Variants in NAP1L4 observed in about 807,000 individuals in gnomAD.
The protein encoded by NAP1L4 is nucleosome assembly protein 1-like 4.
NAP1L4 carries 15 observed loss-of-function variants against 58.2 expected under a neutral mutation model. That is an observed-to-expected ratio of 0.26 (90% CI 0.17 to 0.40). The LOEUF (loss-of-function observed/expected upper bound fraction) is 0.40. Ranked by LOEUF, NAP1L4 falls within the 10% of genes least tolerant of loss-of-function variation. The pLI is 1.00. For synonymous variants in NAP1L4, 171 were observed against 155.6 expected, an observed-to-expected ratio of 1.10 and a Z score of -0.74; for missense variants, 384 against 451.1, an observed-to-expected ratio of 0.85 and a Z score of 1.35.
At chr11:2,978,396 T>C (rs918767803) in intron 2 of NAP1L4, 54 bp from the exon 3 acceptor site, 13 of 1,502,212 alleles carry the variant, frequency 8.7e-6, no homozygotes, top group African/African-American at 2.8e-5. Context: ...TCCAAAGACA[T>C]AGCACAAATG....
rs770118205 is a variant in NAP1L4, at chr11:2,954,460, T to A, written c.1035+67A>T. 7 of 1,609,840 alleles carry A rather than the reference T, an allele frequency of 4.3e-6. No homozygotes were observed. Among genetic ancestry groups the A allele is most frequent in the Non-Finnish European group, 5.9e-6 (7 of 1,176,674 alleles). Reference sequence around the variant, plus strand: ...GCATGGGGGTTTCCTAAGCCACAATTCAGGGCCACTCTGCACCAACAGAGA... The same window carrying A: ...GCATGGGGGTTTCCTAAGCCACAATACAGGGCCACTCTGCACCAACAGAGA... On this transcript the variant is annotated intron_variant, in intron 12 of 15. Coordinates refer to ENST00000380542, the MANE Select transcript of NAP1L4 (RefSeq NM_005969.4). This position sits in a 1 kb window ranked among gnomAD's most constrained non-coding sequence, Gnocchi z 4.8.
chr11:2,982,880 G>A (rs1355358821), intron 1 of NAP1L4, among the ~76,000 whole-genome samples: 1 of 152,142 alleles, frequency 6.6e-6, no homozygotes, highest in African/African-American at 2.4e-5. Context: ...AATTAGCTGG[G>A]CATGGTGGCA....
chr11:2,969,015 CAG>C lies in NAP1L4; in HGVS notation c.534+786_534+787del, dbSNP rs1295041460. Among the ~76,000 whole-genome samples the C allele has an allele frequency of 9.9e-5, 3 of 30,366 alleles. No individual in the cohort carries two copies. In the East Asian group the frequency reaches 5.9e-3, roughly 60 times the overall value. 19.9% of individuals were successfully genotyped at this position (30,366 alleles called of 152,430 possible). A position where few individuals can be genotyped will look rare whatever the true frequency, so the allele number is the denominator to read the frequency against. The stretch of plus-strand genomic sequence containing the variant: ...TTTTTTTTTTTTTTTTTTTTGGAGA[CAG>C]GGTCTCGTCACCCACCAGGATGGAG... On this transcript the variant is annotated intron_variant, in intron 7 of 15. Coordinates refer to ENST00000380542, the MANE Select transcript of NAP1L4 (RefSeq NM_005969.4).
Position 2,949,342 on chromosome 11 carries a change from G to T in NAP1L4, c.1123-78C>A. On this transcript the variant is annotated intron_variant, in intron 14 of 15. Coordinates refer to ENST00000380542, the MANE Select transcript of NAP1L4 (RefSeq NM_005969.4). This position sits in a 1 kb window ranked among gnomAD's most constrained non-coding sequence, Gnocchi z 4.0. ...GCACAAAATTATACAGGAGGAAACG[G>T]CCACAATTTCTCATGATACAAAAGG... The T allele has an allele frequency of 8.2e-7, 1 of 1,216,238 alleles. No individual in the cohort carries two copies. The highest frequency in any genetic ancestry group is 1.2e-6 in the Non-Finnish European group (1 of 820,284). 75.3% of individuals were successfully genotyped at this position (1,216,238 alleles called of 1,614,324 possible).
At chr11:2,945,751 GA>G (rs955036674) in intron 15 of NAP1L4, 105 bp from the exon 16 acceptor site, 10 of 887,636 alleles carry the variant, frequency 1.1e-5, no homozygotes, top group African/African-American at 3.4e-5. Flanking sequence ...CATTCTCATT[GA>G]AAAAAATGGT....
In NAP1L4 at chr11:2,949,117, G is replaced by C; in HGVS notation, c.*32+110C>G. ...ACACCTATGTCAAACCTGTGACACAGTGAGTGTACCTGGACAGCAACTCCC... is the reference window on the plus strand; with the variant it reads ...ACACCTATGTCAAACCTGTGACACACTGAGTGTACCTGGACAGCAACTCCC... On this transcript the variant is annotated intron_variant, in intron 15 of 15. Transcript: ENST00000380542. This position sits in a 1 kb window ranked among gnomAD's most constrained non-coding sequence, Gnocchi z 4.0. The C allele has an allele frequency of 2.5e-6, 2 of 802,612 alleles. No homozygotes were observed. The highest frequency in any genetic ancestry group is 3.6e-5 in the South Asian group (2 of 55,148). The allele number at this position is 802,612 out of a possible 1,614,324, so 49.7% of individuals were successfully genotyped here.
At chr11:2,975,957 G>T in intron 4 of NAP1L4, 67 bp downstream of exon 4, 1 of 1,374,744 alleles carries the variant, frequency 7.3e-7, no homozygotes, top group Non-Finnish European at 1.0e-6. Context: ...GAACTGAAAA[G>T]TGGTTTTTCC....
At chr11:2,984,899 C>G (rs1054064869) in intron 1 of NAP1L4, among the ~76,000 whole-genome samples, 2 of 152,116 alleles carry the variant, frequency 1.3e-5, no homozygotes, top group Non-Finnish European at 2.9e-5. Context: ...AAACACTGCA[C>G]CCTTTATACA....
At position 2,972,171 on chromosome 11, in the gene NAP1L4, G is replaced by A. The variant is rs1393250575; in HGVS notation, c.246C>T (p.Ala82=). 2.5e-6 allele frequency: 4 copies of A among 1,608,246 alleles called. No individual in the cohort carries two copies. In the South Asian group the frequency reaches 3.3e-5, roughly 13 times the overall value. Residue 82 remains alanine, a synonymous_variant, in exon 5 of 16, where the codon GCC becomes GCT. Transcript: ENST00000380542. ...AGTCATGTACCTCTTCATAGAACTT[G>A]GCTTCTATGTGAGCACATCTCACCT... ...QLQVRCAHIE[A]KFYEEVHDLE... is the part of the protein sequence containing the mutation.
At chr11:2,968,250 A>T (rs982971530) in intron 7 of NAP1L4, among the ~76,000 whole-genome samples, 3 of 152,216 alleles carry the variant, frequency 2.0e-5, no homozygotes, top group Admixed American at 6.5e-5. Context: ...AACCAACTCA[A>T]AACTCTCAGT....
chr11:2,968,300 G>C (rs1446443595), intron 7 of NAP1L4, among the ~76,000 whole-genome samples: 3 of 152,166 alleles, frequency 2.0e-5, no homozygotes, highest in Non-Finnish European at 4.4e-5. Context: ...TTGCTATTTA[G>C]TTTTCAAAGC....
rs1849024972 is a variant in NAP1L4 at position 2,992,283 on chromosome 11, C to CCTAG, written c.-51_-48dup. On this transcript the variant is annotated 5_prime_UTR_variant, in exon 1 of 16. Coordinates refer to ENST00000380542, the MANE Select transcript of NAP1L4 (RefSeq NM_005969.4). ...CGCCTCCTGCGGCAGTGGCGGCGAC[C>CCTAG]CTAGCTTCGCTCGCTTTGGGGCTGC... 6.6e-6 allele frequency: 1 copy of CCTAG among 152,294 alleles called. No homozygotes were observed. The highest frequency in any genetic ancestry group is 6.5e-5 in the Admixed American group (1 of 15,268). The allele number at this position is 152,294 out of a possible 1,614,324, so 9.4% of individuals were successfully genotyped here. A position where few individuals can be genotyped will look rare whatever the true frequency, so the allele number is the denominator to read the frequency against.
At chr11:2,962,406 G>A (rs562299537) in intron 8 of NAP1L4, among the ~76,000 whole-genome samples, 19 of 152,374 alleles carry the variant, frequency 1.2e-4, no homozygotes, top group Non-Finnish European at 2.5e-4. Flanking sequence ...GCACACGTGT[G>A]CACTGTGTAT....
At chr11:2,953,460 T>C (rs1348712164) in intron 12 of NAP1L4, among the ~76,000 whole-genome samples, 1 of 152,250 alleles carries the variant, frequency 6.6e-6, no homozygotes, top group Admixed American at 6.5e-5. Context: ...TCAGTCCTAC[T>C]GCACTGGACC....
chr11:2,973,236 ATTCTG>A (rs1354093373), intron 4 of NAP1L4, among the ~76,000 whole-genome samples: 2 of 152,230 alleles, frequency 1.3e-5, no homozygotes, highest in Non-Finnish European at 2.9e-5. Flanking sequence ...TTGCCTTTCA[ATTCTG>A]TTCTATGTTT....
chr11:2,953,785 C>T (rs1462095995), intron 12 of NAP1L4, among the ~76,000 whole-genome samples: 3 of 152,208 alleles, frequency 2.0e-5, no homozygotes, highest in Non-Finnish European at 2.9e-5. Context: ...AAGCTCTTGC[C>T]GCCCTGTCTG....
rs192515093 is a variant in NAP1L4, at chr11:2,949,675, G to A, written c.1123-411C>T. Among the ~76,000 whole-genome samples, 1 of 152,292 alleles carries A rather than the reference G, an allele frequency of 6.6e-6. No homozygotes were observed. Among genetic ancestry groups the A allele is most frequent in the Admixed American group, 6.5e-5 (1 of 15,298 alleles). On this transcript the variant is annotated intron_variant, in intron 14 of 15. Coordinates refer to ENST00000380542, the MANE Select transcript of NAP1L4 (RefSeq NM_005969.4). This position sits in a 1 kb window ranked among gnomAD's most constrained non-coding sequence, Gnocchi z 4.0. ...CAACCAACATAACCGTTTATCAAAG[G>A]TTTCATGGGGTGTTAGCATGTGTAA... is the stretch of plus-strand genomic sequence containing the variant.
In NAP1L4 at chr11:2,976,069, T is replaced by A; in HGVS notation, c.128A>T (p.Glu43Val). 1 of 1,614,100 alleles carries A rather than the reference T, an allele frequency of 6.2e-7. No individual in the cohort carries two copies. The highest frequency in any genetic ancestry group is 8.5e-7 in the Non-Finnish European group (1 of 1,180,012). The change falls in exon 4 of 16, where the codon GAG becomes GTG. Residue 43 changes from glutamate to valine, a missense_variant. This residue lies in a region of NAP1L4 where 84 missense variants were observed against 73.7 expected (regional missense o/e 1.14). Transcript: ENST00000380542. Reference sequence around the variant, plus strand: ...GGTGTGAGGGACATTGTCAAGTCGCTCCTGTAAAGCTGCCAGAACTCGAGG... The same window carrying A: ...GGTGTGAGGGACATTGTCAAGTCGCACCTGTAAAGCTGCCAGAACTCGAGG... ...QNPRVLAALQ[E>V]RLDNVPHTPS...
chr11:2,975,130 G>T (rs1847873066), intron 4 of NAP1L4, among the ~76,000 whole-genome samples: 1 of 149,374 alleles, frequency 6.7e-6, no homozygotes, highest in South Asian at 2.1e-4. Flanking sequence ...ATAGATGGAA[G>T]CCCAGTAACA....
Sources: allele counts gnomAD v4.1 joint callset (sites outside exome capture counted in the v4.1 genomes callset), GRCh38; gene constraint gnomAD v4.1.1; regional missense constraint gnomAD v4.1.1; non-coding constraint Gnocchi (gnomAD v3.1); transcripts MANE v1.5; gene names NCBI Gene and HGNC (gene_info 2026-07-23, HGNC 2026-07-21).